NSDHL: variants seen among roughly 807,000 people sequenced by gnomAD.
The protein encoded by NSDHL is NAD(P) dependent 3-beta-hydroxysteroid dehydrogenase NSDHL, also known as sterol-4-alpha-carboxylate 3-dehydrogenase, decarboxylating.
In NSDHL, 1 loss-of-function variant was observed where a neutral mutation model predicts 23.0. The observed-to-expected ratio is 0.04, with a 90% confidence interval of 0.02 to 0.21. NSDHL has a LOEUF of 0.21. Ranked by LOEUF, NSDHL falls within the 10% of genes least tolerant of loss-of-function variation. The pLI, the probability that NSDHL is intolerant of heterozygous loss-of-function variation, is 1.00. For missense variants in NSDHL, 237 were observed against 300.9 expected (o/e 0.79, Z 1.57); for synonymous variants, 128 against 121.1 (o/e 1.06, Z -0.37).
rs781818959 is a variant in NSDHL at position 152,851,037 on chromosome X, G to A, written c.267+614G>A. Among the ~76,000 whole-genome samples, 369 of 112,092 alleles carry A rather than the reference G, an allele frequency of 3.3e-3. 2 individuals carry two copies. Among genetic ancestry groups the A allele is most frequent in the Non-Finnish European group, 4.9e-3 (263 of 53,262 alleles). The stretch of plus-strand genomic sequence containing the variant: ...AATCATGTAATATTTGTACCTCTGT[G>A]CCTGACTTTTTTCACTTAGCATGAT... On this transcript the variant is annotated intron_variant, in intron 3 of 7. Transcript: ENST00000370274.
chrX:152,857,246 T>C (rs1433544031), intron 3 of NSDHL, among the ~76,000 whole-genome samples: 1 of 112,501 alleles, frequency 8.9e-6, no homozygotes, highest in Non-Finnish European at 1.9e-5. Flanking sequence ...CAATAAATGC[T>C]GAGGTTAATT....
chrX:152,848,055 G>T (rs1193021896), intron 2 of NSDHL, among the ~76,000 whole-genome samples: 1 of 109,791 alleles, frequency 9.1e-6, no homozygotes, highest in African/African-American at 3.3e-5. Context: ...GTAGAGACGG[G>T]ATTTCACCAT....
chrX:152,842,137 A>G (rs143812845), intron 1 of NSDHL, among the ~76,000 whole-genome samples: 227 of 112,049 alleles, frequency 2.0e-3, no homozygotes, highest in Non-Finnish European at 3.5e-3. Flanking sequence ...TGCTGCTCCT[A>G]CCTTTTGGCT....
chrX:152,842,032 T>C (rs1556844930), intron 1 of NSDHL, among the ~76,000 whole-genome samples: 1 of 112,596 alleles, frequency 8.9e-6, no homozygotes, highest in South Asian at 3.6e-4. Flanking sequence ...TGTTGTTGCA[T>C]GTCTCAGAAC....
At chrX:152,858,553 G>A (rs1169160337) in intron 3 of NSDHL, among the ~76,000 whole-genome samples, 1 of 111,655 alleles carries the variant, frequency 9.0e-6, no homozygotes, top group East Asian at 2.8e-4. Flanking sequence ...TTTTGACTGG[G>A]GACTAGTTAG....
chrX:152,862,173 G>A (rs1313060643), intron 4 of NSDHL, among the ~76,000 whole-genome samples: 2 of 112,333 alleles, frequency 1.8e-5, no homozygotes, highest in African/African-American at 3.2e-5. Context: ...ACATGGCCAG[G>A]TCACTATCAG....
Position 152,869,357 on chromosome X carries a change from CTCTG to C in NSDHL, c.*245_*248del. ...CAGCTTCATATTATACCGATTTGTT[CTCTG>C]TCTTTTTGTGTCTCTCTGTTTACCC... is the stretch of plus-strand genomic sequence containing the variant. On this transcript the variant is annotated 3_prime_UTR_variant, in exon 8 of 8. Coordinates refer to ENST00000370274, the MANE Select transcript of NSDHL (RefSeq NM_015922.3). 3 of 428,493 alleles carry C rather than the reference CTCTG, an allele frequency of 7.0e-6. No individual in the cohort carries two copies. Among genetic ancestry groups the C allele is most frequent in the Non-Finnish European group, 1.2e-5 (3 of 240,326 alleles). The allele number at this position is 428,493 out of a possible 1,213,427, so 35.3% of individuals were successfully genotyped here. A position where few individuals can be genotyped will look rare whatever the true frequency, so the allele number is the denominator to read the frequency against.
At chrX:152,849,672 C>T (rs984519021) in intron 2 of NSDHL, among the ~76,000 whole-genome samples, 1 of 112,611 alleles carries the variant, frequency 8.9e-6, no homozygotes, top group Non-Finnish European at 1.9e-5. Flanking sequence ...GAGATCCCAT[C>T]AAGGCGGTCT....
intron 6 of NSDHL, among the ~76,000 whole-genome samples, chrX:152,866,991 T>C (rs1253104066): frequency 8.9e-6 from 1 of 111,849 alleles, no homozygotes; most frequent in Non-Finnish European, 1.9e-5. Context: ...TCCTTGCATC[T>C]GGGAAGGCAG....
intron 3 of NSDHL, among the ~76,000 whole-genome samples, chrX:152,853,851 C>T (rs1933398089): frequency 8.9e-6 from 1 of 112,191 alleles, no homozygotes; most frequent in Non-Finnish European, 1.9e-5. Flanking sequence ...GCTGGTCTCC[C>T]TTACTCTGCT....
rs200761677 is a variant in NSDHL, at chrX:152,868,763, T to C, written c.790-21T>C. The C allele has an allele frequency of 1.5e-4, 179 of 1,188,985 alleles. No homozygotes were observed. In the African/African-American group the frequency reaches 2.5e-3, roughly 17 times the overall value. On this transcript the variant is annotated intron_variant, in intron 7 of 7. Transcript: ENST00000370274. ...AGGTGGGGGTGGTGTTTCTAACTTC[T>C]TGTTCTTGTTCTCCCGCCAGGCATT...
chrX:152,845,275 TGGAGCAATCA>T (rs1332648529), intron 1 of NSDHL, among the ~76,000 whole-genome samples: 1 of 111,743 alleles, frequency 8.9e-6, no homozygotes, highest in Non-Finnish European at 1.9e-5. Context: ...GGGGTTGGAT[TGGAGCAATCA>T]CAGCAGGTGG....
At chrX:152,859,370 C>G (rs782199802) in intron 4 of NSDHL, among the ~76,000 whole-genome samples, 123 of 111,732 alleles carry the variant, frequency 1.1e-3, no homozygotes, top group African/African-American at 3.9e-3. Flanking sequence ...CATTAAACAG[C>G]AACTCCTCAA....
Position 152,846,299 on chromosome X carries a change from C to T in NSDHL, c.-26C>T. On this transcript the variant is annotated 5_prime_UTR_variant, in exon 2 of 8. Transcript: ENST00000370274. The stretch of plus-strand genomic sequence containing the variant: ...TCTTTAAGAAAAGAAAAGTTGATTA[C>T]AAACGGGACCATATTTTGCTTCGAA... 1 of 1,093,628 alleles carries T rather than the reference C, an allele frequency of 9.1e-7. No homozygotes were observed. Among genetic ancestry groups the T allele is most frequent in the Non-Finnish European group, 1.3e-6 (1 of 787,378 alleles). 90.1% of individuals were successfully genotyped at this position (1,093,628 alleles called of 1,213,427 possible).
At chrX:152,843,093 G>A (rs1871447840) in intron 1 of NSDHL, among the ~76,000 whole-genome samples, 1 of 111,981 alleles carries the variant, frequency 8.9e-6, no homozygotes, top group African/African-American at 3.2e-5. Context: ...TGAGACAAAG[G>A]AGATTTTGTT....
At chrX:152,864,295 T>G (rs1933573643) in intron 5 of NSDHL, among the ~76,000 whole-genome samples, 1 of 112,376 alleles carries the variant, frequency 8.9e-6, no homozygotes, top group Non-Finnish European at 1.9e-5. Context: ...GGTGGAGGCT[T>G]GAACTTTGGC....
intron 3 of NSDHL, among the ~76,000 whole-genome samples, chrX:152,858,502 C>T (rs782671423): frequency 8.9e-6 from 1 of 111,922 alleles, no homozygotes; most frequent in South Asian, 3.7e-4. Context: ...AAGGATGTTG[C>T]CTCTGTGTGG....
chrX:152,840,245 A>G (rs1556844697), intron 1 of NSDHL, among the ~76,000 whole-genome samples: 1 of 112,114 alleles, frequency 8.9e-6, no homozygotes, highest in Non-Finnish European at 1.9e-5. Context: ...GATGGGTTAG[A>G]ACATGTTCCT....
chrX:152,844,858 G>A (rs1218346612), intron 1 of NSDHL, among the ~76,000 whole-genome samples: 1 of 111,939 alleles, frequency 8.9e-6, no homozygotes, highest in Non-Finnish European at 1.9e-5. Flanking sequence ...TTTGGTGCAA[G>A]GTGCCAAAAT....
Sources: allele counts gnomAD v4.1 joint callset (sites outside exome capture counted in the v4.1 genomes callset), GRCh38; gene constraint gnomAD v4.1.1; transcripts MANE v1.5; gene names NCBI Gene and HGNC (gene_info 2026-07-23, HGNC 2026-07-21).